The following VEPH1 variants were observed in gnomAD, a reference collection of about 807,000 sequenced individuals.
VEPH1 encodes the protein ventricular zone-expressed PH domain-containing protein homolog 1.
VEPH1 carries 80 observed loss-of-function variants against 85.2 expected under a neutral mutation model. That is an observed-to-expected ratio of 0.94 (90% confidence interval 0.78 to 1.13). The LOEUF (loss-of-function observed/expected upper bound fraction) is 1.13. VEPH1 is among the 50% of genes most tolerant of loss of function. The pLI is 0.00. For synonymous variants in VEPH1, 297 were observed against 348.0 expected (o/e 0.85, Z 1.63); for missense variants, 955 against 980.5 (o/e 0.97, Z 0.35).
At chr3:157,437,639 A>G in intron 4 of VEPH1, 1 of 1,551,446 alleles carries the variant, frequency 6.4e-7, no homozygotes, top group East Asian at 2.4e-5. Flanking sequence ...GGCGAGCTGC[A>G]GAGGCTGCGG....
intron 12 of VEPH1, among the ~76,000 whole-genome samples, chr3:157,283,425 A>G (rs1250072300): frequency 6.6e-6 from 1 of 152,260 alleles, no homozygotes; most frequent in Admixed American, 6.5e-5. Flanking sequence ...GCTAACAATT[A>G]TAAATCATGT....
intron 4 of VEPH1, chr3:157,459,892 A>T (rs1335350730): frequency 6.5e-7 from 1 of 1,537,222 alleles, no homozygotes; most frequent in African/African-American, 1.4e-5. Context: ...GTAGTTGAAC[A>T]GGTGACCAGA....
chr3:157,432,295 A>G (rs578076456), intron 4 of VEPH1, among the ~76,000 whole-genome samples: 40 of 152,176 alleles, frequency 2.6e-4, no homozygotes, highest in African/African-American at 9.6e-4. Flanking sequence ...TTTTTGATTT[A>G]TTGATTTAAA....
chr3:157,268,073 C>T (rs1296035480), intron 12 of VEPH1, among the ~76,000 whole-genome samples: 2 of 152,188 alleles, frequency 1.3e-5, no homozygotes, highest in South Asian at 2.1e-4. Flanking sequence ...AAAATAATTT[C>T]AGAGTTCTGC....
At chr3:157,413,514 G>T in intron 6 of VEPH1, 1 of 985,384 alleles carries the variant, frequency 1.0e-6, no homozygotes, top group Non-Finnish European at 1.2e-6. Context: ...TTTATTGGTT[G>T]TTGTTACTGC....
At chr3:157,276,417 T>A (rs1346298555) in intron 12 of VEPH1, among the ~76,000 whole-genome samples, 1 of 152,186 alleles carries the variant, frequency 6.6e-6, no homozygotes, top group Non-Finnish European at 1.5e-5. Context: ...TGAATCAAAA[T>A]TTTGGGATAG....
chr3:157,260,496 A>C lies in VEPH1; in HGVS notation c.*638T>G, dbSNP rs555937552. On this transcript the variant is annotated 3_prime_UTR_variant, in exon 14 of 14. Coordinates refer to ENST00000362010, the MANE Select transcript of VEPH1 (RefSeq NM_001167912.2). ...TCCAAGTATCTAAACTGTAGATTAT[A>C]TTATATGAACTTAAATGGAATAATT... 6.6e-6 allele frequency: 1 copy of C among 152,316 alleles called. No individual in the cohort carries two copies. The highest frequency in any genetic ancestry group is 6.5e-5 in the Admixed American group (1 of 15,284). The allele number at this position is 152,316 out of a possible 1,614,324, so 9.4% of individuals were successfully genotyped here. A position where few individuals can be genotyped will look rare whatever the true frequency, so the allele number is the denominator to read the frequency against.
At chr3:157,330,223 T>C (rs1722352520) in intron 9 of VEPH1, among the ~76,000 whole-genome samples, 1 of 152,224 alleles carries the variant, frequency 6.6e-6, no homozygotes, top group Non-Finnish European at 1.5e-5. Context: ...TGTTTTGAGA[T>C]TAGCAAGACC....
chr3:157,333,693 A>T (rs1007912957), intron 9 of VEPH1, among the ~76,000 whole-genome samples: 3 of 152,218 alleles, frequency 2.0e-5, no homozygotes, highest in African/African-American at 7.2e-5. Context: ...TACAGAGGCA[A>T]ATAAGGCAGG....
Position 157,313,641 on chromosome 3 carries a change from ACTC to A in VEPH1, c.1987_1989del (p.Glu663del), listed in dbSNP as rs1720389167. 3 of 1,613,968 alleles carry A rather than the reference ACTC, an allele frequency of 1.9e-6. No homozygotes were observed. The East Asian group carries it at 6.7e-5, about 36-fold the overall frequency. On this transcript the variant is annotated inframe_deletion, in exon 11 of 14. Coordinates refer to ENST00000362010, the MANE Select transcript of VEPH1 (RefSeq NM_001167912.2). ...TTTACCTTCTGCTGTGGAAACGTGG[ACTC>A]CATCATGGCAGTTTCAAAGCTGTGA... is the stretch of plus-strand genomic sequence containing the variant.
At chr3:157,462,443 C>T (rs148741403) in intron 3 of VEPH1, among the ~76,000 whole-genome samples, 11 of 152,214 alleles carry the variant, frequency 7.2e-5, no homozygotes, top group Admixed American at 4.6e-4. Flanking sequence ...CGAAGGACAA[C>T]GACACACAGT....
chr3:157,279,217 TAAG>T (rs957349243), intron 12 of VEPH1, among the ~76,000 whole-genome samples: 5 of 152,012 alleles, frequency 3.3e-5, no homozygotes, highest in African/African-American at 1.2e-4. Context: ...AAAGGTGGGA[TAAG>T]AAGGAGTGTC....
At chr3:157,437,836 G>T in intron 4 of VEPH1, 1 of 1,494,242 alleles carries the variant, frequency 6.7e-7, no homozygotes, top group South Asian at 1.2e-5. Context: ...CCTGGCCGCG[G>T]TGCTAGAGGA....
intron 1 of VEPH1, among the ~76,000 whole-genome samples, chr3:157,495,950 CAG>C (rs1739626713): frequency 6.6e-6 from 1 of 152,202 alleles, no homozygotes; most frequent in South Asian, 2.1e-4. Flanking sequence ...AACCTGGACA[CAG>C]AAACCAGTGC....
intron 4 of VEPH1, among the ~76,000 whole-genome samples, chr3:157,438,537 C>A (rs539028805): frequency 6.6e-5 from 10 of 152,200 alleles, no homozygotes; most frequent in Admixed American, 4.6e-4. Flanking sequence ...GTGGAATTAG[C>A]GCGACAGGGG....
intron 1 of VEPH1, chr3:157,499,515 T>A (rs1739938334): frequency 6.6e-6 from 1 of 152,140 alleles, no homozygotes; most frequent in African/African-American, 2.4e-5. Flanking sequence ...TCAGTGAACC[T>A]GAAGTTGTTC....
intron 3 of VEPH1, among the ~76,000 whole-genome samples, chr3:157,464,461 G>A (rs1255924645): frequency 6.6e-6 from 1 of 152,184 alleles, no homozygotes. Context: ...GATAATGCCA[G>A]AGCCTATGAA....
intron 9 of VEPH1, among the ~76,000 whole-genome samples, chr3:157,351,193 C>G (rs1021328688): frequency 6.6e-6 from 1 of 152,028 alleles, no homozygotes; most frequent in South Asian, 2.1e-4. Context: ...TGCCTGTAAT[C>G]CCATCACTTT....
intron 7 of VEPH1, among the ~76,000 whole-genome samples, chr3:157,379,596 T>A (rs187999649): frequency 2.6e-5 from 4 of 152,312 alleles, no homozygotes; most frequent in Admixed American, 6.5e-5. Flanking sequence ...CTCTACACCA[T>A]GCTGAACATA....
Sources: gnomAD v4.1 joint callset for allele counts (sites outside exome capture counted in the v4.1 genomes callset) on GRCh38, gnomAD v4.1.1 for gene constraint, MANE v1.5 for transcripts, NCBI Gene and HGNC (gene_info 2026-07-23, HGNC 2026-07-21) for gene names.